Variants in PDE4D observed in about 807,000 individuals in gnomAD.
PDE4D encodes 3',5'-cyclic-AMP phosphodiesterase 4D.
PDE4D carries 24 observed loss-of-function variants against 87.4 expected under a neutral mutation model. The observed-to-expected ratio is 0.27, with a 90% confidence interval of 0.20 to 0.39. The LOEUF is 0.39. Ranked by LOEUF, PDE4D falls within the 10% of genes least tolerant of loss-of-function variation. The pLI, the probability that PDE4D is intolerant of heterozygous loss-of-function variation, is 1.00. For synonymous variants in PDE4D, 384 were observed against 383.2 expected (o/e 1.00, Z -0.02); for missense variants, 714 against 1,041.0 (o/e 0.69, Z 4.32).
chr5:59,518,196 T>C (rs1483867466), intron 1 of PDE4D, among the ~76,000 whole-genome samples: 11,736 of 83,756 alleles, frequency 0.14, 1,445 homozygotes, highest in African/African-American at 0.37. Flanking sequence ...TGTGTGTTTG[T>C]GTGTGTGTGT....
At chr5:59,802,786 A>T (rs570403415) in intron 1 of PDE4D, among the ~76,000 whole-genome samples, 1 of 152,154 alleles carries the variant, frequency 6.6e-6, no homozygotes. Flanking sequence ...AGCAGGGGCT[A>T]TAAGGATGAA....
chr5:59,255,638 C>T (rs938548174), intron 1 of PDE4D, among the ~76,000 whole-genome samples: 1 of 152,076 alleles, frequency 6.6e-6, no homozygotes, highest in Non-Finnish European at 1.5e-5. Context: ...CAAGAAGCTT[C>T]TCTATGTATT....
chr5:59,567,432 T>C (rs1342353465), intron 1 of PDE4D, among the ~76,000 whole-genome samples: 1 of 152,188 alleles, frequency 6.6e-6, no homozygotes, highest in Non-Finnish European at 1.5e-5. Context: ...AGTTGTCATA[T>C]GGAGAGTATG....
At chr5:60,220,638 A>G (rs919785922) in intron 1 of PDE4D, among the ~76,000 whole-genome samples, 4 of 152,150 alleles carry the variant, frequency 2.6e-5, no homozygotes, top group African/African-American at 9.7e-5. Context: ...TTGACATGGA[A>G]TGACTTTGTT....
At chr5:59,097,809 A>G (rs2153431871) in intron 5 of PDE4D, among the ~76,000 whole-genome samples, 1 of 152,304 alleles carries the variant, frequency 6.6e-6, no homozygotes, top group South Asian at 2.1e-4. Flanking sequence ...GTCAATTACA[A>G]GCCTTGTGTC....
intron 5 of PDE4D, among the ~76,000 whole-genome samples, chr5:59,137,529 T>C (rs1777254938): frequency 6.6e-6 from 1 of 151,352 alleles, no homozygotes; most frequent in African/African-American, 2.4e-5. Context: ...AAGTTTCTTT[T>C]TTTTTTTTTT....
At chr5:59,172,454 G>T (rs1783163611) in intron 5 of PDE4D, among the ~76,000 whole-genome samples, 1 of 146,690 alleles carries the variant, frequency 6.8e-6, no homozygotes, top group Non-Finnish European at 1.5e-5. Context: ...CAGCACTTTG[G>T]GAGGCCAAGG....
chr5:59,609,974 T>G (rs1374135070), intron 1 of PDE4D, among the ~76,000 whole-genome samples: 1 of 152,176 alleles, frequency 6.6e-6, no homozygotes, highest in African/African-American at 2.4e-5. Flanking sequence ...AGCTGTTGGC[T>G]TCCCCTGAGA....
At chr5:59,351,410 A>G (rs1333740196) in intron 1 of PDE4D, among the ~76,000 whole-genome samples, 1 of 152,212 alleles carries the variant, frequency 6.6e-6, no homozygotes, top group African/African-American at 2.4e-5. Flanking sequence ...AACATTACTC[A>G]CAATTTGAAA....
chr5:59,360,972 G>A (rs1394640344), intron 1 of PDE4D, among the ~76,000 whole-genome samples: 1 of 152,104 alleles, frequency 6.6e-6, no homozygotes, highest in Admixed American at 6.6e-5. Context: ...TAAGAGGCAT[G>A]CTTAAATATA....
At chr5:59,195,644 G>C (rs970774154) in intron 2 of PDE4D, among the ~76,000 whole-genome samples, 2 of 152,176 alleles carry the variant, frequency 1.3e-5, no homozygotes, top group African/African-American at 4.8e-5. Context: ...GTGAAATTGT[G>C]CAAGTTATTA....
chr5:60,176,570 A>T lies in PDE4D; in HGVS notation c.42+8987T>A, dbSNP rs150717302. Among the ~76,000 whole-genome samples the T allele has an allele frequency of 2.0e-3, 311 of 152,170 alleles. 4 individuals carry two copies. Among genetic ancestry groups the T allele is most frequent in the African/African-American group, 7.3e-3 (301 of 41,508 alleles). On this transcript the variant is annotated intron_variant, in intron 2 of 16. Coordinates refer to the PDE4D transcript ENST00000502484. Reference sequence around the variant, plus strand: ...GGATGATGATTGTTTGGATTCATTGATTTTTCCATGTCTTTAAATATTTTT... The same window carrying T: ...GGATGATGATTGTTTGGATTCATTGTTTTTTCCATGTCTTTAAATATTTTT...
At chr5:59,307,675 C>T (rs1301034487) in intron 1 of PDE4D, among the ~76,000 whole-genome samples, 2 of 151,082 alleles carry the variant, frequency 1.3e-5, no homozygotes, top group East Asian at 1.9e-4. Context: ...CATCTCACAT[C>T]AGTTAGAATG....
rs936583879 is a variant in PDE4D at position 59,925,041 on chromosome 5, G to C, written c.272+63447C>G. Among the ~76,000 whole-genome samples the C allele has an allele frequency of 4.0e-5, 6 of 151,834 alleles. No homozygotes were observed. The East Asian group carries it at 9.7e-4, about 24-fold the overall frequency. ...ATACAAAAAATTAGCTGGGTGTGGT[G>C]GTGGGCGCCTGTAGTCCCAGCTACT... On this transcript the variant is annotated intron_variant, in intron 3 of 16. Coordinates refer to the PDE4D transcript ENST00000502484.
At chr5:60,118,053 T>A (rs1778325471) in intron 2 of PDE4D, among the ~76,000 whole-genome samples, 1 of 152,158 alleles carries the variant, frequency 6.6e-6, no homozygotes, top group Non-Finnish European at 1.5e-5. Context: ...CACATTCTCC[T>A]GAAAATCACT....
intron 1 of PDE4D, among the ~76,000 whole-genome samples, chr5:60,476,676 G>A (rs536037392): frequency 2.6e-5 from 4 of 152,226 alleles, no homozygotes; most frequent in East Asian, 3.9e-4. Flanking sequence ...AGCACCAAAC[G>A]TCATTCAGAC....
At position 59,251,872 on chromosome 5, in the gene PDE4D, T is replaced by C. The variant is rs189384724; in HGVS notation, c.456-35904A>G. Among the ~76,000 whole-genome samples, 8 of 152,240 alleles carry C rather than the reference T, an allele frequency of 5.3e-5. No individual in the cohort carries two copies. The South Asian group carries it at 1.5e-3, about 28-fold the overall frequency. The stretch of plus-strand genomic sequence containing the variant: ...TAAAAAAGAATGAGATCATGTCTTT[T>C]AACATGGATAGACCTGGAGGCTATT... On this transcript the variant is annotated intron_variant, in intron 1 of 14. Transcript: ENST00000340635.
intron 5 of PDE4D, chr5:59,157,423 G>C (rs1319770637): frequency 1.4e-6 from 1 of 699,464 alleles, no homozygotes; most frequent in African/African-American, 1.8e-5. Context: ...CAGGTGCTGT[G>C]GTTACTGGGA....
At chr5:59,067,606 T>C (rs956289113) in intron 5 of PDE4D, among the ~76,000 whole-genome samples, 2 of 152,306 alleles carry the variant, frequency 1.3e-5, no homozygotes, top group Admixed American at 6.5e-5. Context: ...ATCGGATTCA[T>C]ATGGGTTTGC....
Sources: gnomAD v4.1 joint callset for allele counts (sites outside exome capture counted in the v4.1 genomes callset) on GRCh38, gnomAD v4.1.1 for gene constraint, MANE v1.5 for transcripts, NCBI Gene and HGNC (gene_info 2026-07-23, HGNC 2026-07-21) for gene names.